EDARADD: variants seen among roughly 807,000 people sequenced by gnomAD.
EDARADD encodes EDAR associated via death domain, also known as ectodysplasin-A receptor-associated adapter protein.
EDARADD carries 20 observed loss-of-function variants against 25.6 expected under a neutral mutation model. The ratio of observed to expected loss-of-function variants is 0.78; its 90% CI spans 0.55 to 1.14. EDARADD has a LOEUF of 1.14. Ranked by LOEUF, EDARADD falls within the 50% of genes most tolerant of loss-of-function variation. The pLI, the probability that EDARADD is intolerant of heterozygous loss-of-function variation, is 0.00. For missense variants in EDARADD, 225 were observed against 270.1 expected (o/e 0.83, Z 1.17); for synonymous variants, 86 against 94.4 (o/e 0.91, Z 0.52).
rs1432456873 is a variant in EDARADD, at chr1:236,482,803, G to T, written c.*154G>T. ...AAGCTGGCAGTTTTGTGGAGGGGTA[G>T]CTTGTTTCGGTGGTGGATCTCTGTT... On this transcript the variant is annotated 3_prime_UTR_variant, in exon 6 of 6. Transcript: ENST00000334232. 2 of 982,806 alleles carry T rather than the reference G, an allele frequency of 2.0e-6. No individual in the cohort carries two copies. Among genetic ancestry groups the T allele is most frequent in the Non-Finnish European group, 3.1e-6 (2 of 653,220 alleles). The allele number at this position is 982,806 out of a possible 1,614,324, so 60.9% of individuals were successfully genotyped here.
At chr1:236,405,209 A>C (rs1361008618) in intron 1 of EDARADD, among the ~76,000 whole-genome samples, 4 of 152,170 alleles carry the variant, frequency 2.6e-5, no homozygotes, top group African/African-American at 9.7e-5. Context: ...GCTTCAGAAA[A>C]CAAAAAAACC....
chr1:236,469,797 A>AT (rs1226910928), intron 5 of EDARADD, among the ~76,000 whole-genome samples: 75 of 150,132 alleles, frequency 5.0e-4, no homozygotes, highest in Admixed American at 2.1e-3. Flanking sequence ...CATTCCATAG[A>AT]TTTTTTTTTT....
intron 3 of EDARADD, among the ~76,000 whole-genome samples, chr1:236,418,907 C>T (rs934875485): frequency 6.6e-6 from 1 of 152,170 alleles, no homozygotes; most frequent in Non-Finnish European, 1.5e-5. Flanking sequence ...TCCCCGCCCC[C>T]GCTCCCCAAG....
Position 236,414,241 on chromosome 1 carries a change from CT to C in EDARADD, c.121-15del, listed in dbSNP as rs1347679093. On this transcript the variant is annotated intron_variant, in intron 2 of 5. Transcript: ENST00000334232. ...CATGGCATTTAAAAATAATTCTCCT[CT>C]TTTGTTGGTTTCTACAGTCAGACAA... 1.8e-5 allele frequency: 29 copies of C among 1,603,632 alleles called. No individual in the cohort carries two copies. Among genetic ancestry groups the C allele is most frequent in the Non-Finnish European group, 2.5e-5 (29 of 1,170,808 alleles).
chr1:236,390,435 A>G (rs570588500), upstream of EDARADD, among the ~76,000 whole-genome samples: 17 of 152,182 alleles, frequency 1.1e-4, no homozygotes, highest in Middle Eastern at 6.8e-3. Context: ...GGCGCCTGTA[A>G]TCCCAGCTAC....
At chr1:236,421,368 A>G (rs1040418830) in intron 3 of EDARADD, among the ~76,000 whole-genome samples, 2 of 146,074 alleles carry the variant, frequency 1.4e-5, no homozygotes, top group African/African-American at 5.0e-5. Flanking sequence ...CCATTACAAA[A>G]AGAGAACAAG....
chr1:236,419,999 G>A (rs1395220090), intron 3 of EDARADD, among the ~76,000 whole-genome samples: 3 of 152,100 alleles, frequency 2.0e-5, no homozygotes, highest in African/African-American at 7.2e-5. Context: ...TCAACATGGC[G>A]ATACCCCGTC....
chr1:236,405,881 CTTTCTTTCTTTCTTTCT>C lies in EDARADD; in HGVS notation c.62-3332_62-3316del, dbSNP rs1558112869. 4.7e-3 allele frequency among the ~76,000 whole-genome samples: 162 copies of C among 34,338 alleles called. 1 individual carries two copies. Among genetic ancestry groups the C allele is most frequent in the African/African-American group, 0.014 (150 of 10,642 alleles). 22.5% of individuals were successfully genotyped at this position (34,338 alleles called of 152,430 possible). On this transcript the variant is annotated intron_variant, in intron 1 of 5. Coordinates refer to ENST00000334232, the MANE Select transcript of EDARADD (RefSeq NM_145861.4). ...TCCTTCCTTCCTTCCTTCCTTCTTT[CTTTCTTTCTTTCTTTCT>C]TTCTTTCTTTCTTTCTTTCTTTCTT... is the stretch of plus-strand genomic sequence containing the variant.
chr1:236,355,737 T>C (rs189689561), intron 3 of EDARADD, among the ~76,000 whole-genome samples: 1 of 152,068 alleles, frequency 6.6e-6, no homozygotes, highest in Non-Finnish European at 1.5e-5. Context: ...CTCGAACTCC[T>C]GACCTCAGGT....
intron 3 of EDARADD, among the ~76,000 whole-genome samples, chr1:236,385,828 T>C (rs1394210941): frequency 7.2e-4 from 1 of 1,398 alleles, no homozygotes; most frequent in Non-Finnish European, 1.7e-3. Flanking sequence ...CCTCTCCCTC[T>C]CCCTCTCCCT....
chr1:236,437,494 A>G (rs1170689572), intron 4 of EDARADD, among the ~76,000 whole-genome samples: 1 of 152,052 alleles, frequency 6.6e-6, no homozygotes, highest in African/African-American at 2.4e-5. Flanking sequence ...GTTAGATAGG[A>G]AGAAAGACTG....
At chr1:236,442,955 G>A (rs1452112228) in intron 4 of EDARADD, among the ~76,000 whole-genome samples, 2 of 152,168 alleles carry the variant, frequency 1.3e-5, no homozygotes, top group South Asian at 2.1e-4. Flanking sequence ...TGATTGGTTC[G>A]TGAAGGCTCT....
chr1:236,446,690 A>C (rs1216927164), intron 4 of EDARADD, among the ~76,000 whole-genome samples: 1 of 152,212 alleles, frequency 6.6e-6, no homozygotes, highest in Non-Finnish European at 1.5e-5. Flanking sequence ...ATTTTTGTAA[A>C]TTTTTGGTTT....
chr1:236,454,861 A>G (rs1253619), intron 4 of EDARADD, among the ~76,000 whole-genome samples: 52,887 of 152,032 alleles, frequency 0.35, 9,464 homozygotes, highest in East Asian at 0.44. Flanking sequence ...GCAGAATGGT[A>G]CAGATAAAAG....
chr1:236,417,984 C>G (rs1489855233), intron 3 of EDARADD, among the ~76,000 whole-genome samples: 1 of 134,744 alleles, frequency 7.4e-6, no homozygotes, highest in Non-Finnish European at 1.5e-5. Flanking sequence ...GACGGATTCT[C>G]GCTCTGTCGC....
At chr1:236,427,575 T>TTCCTAGGCAGAGGACCCTGCC in intron 4 of EDARADD, 125 bp downstream of exon 4, 6 of 900,108 alleles carry the variant, frequency 6.7e-6, no homozygotes, top group Non-Finnish European at 1.0e-5. Flanking sequence ...AAACAGGGTT[T>TTCCTAGGCAGAGGACCCTGCC]GCAAATGGTC....
At chr1:236,465,093 C>T (rs957656877) in intron 4 of EDARADD, among the ~76,000 whole-genome samples, 1 of 152,124 alleles carries the variant, frequency 6.6e-6, no homozygotes, top group Non-Finnish European at 1.5e-5. Flanking sequence ...ATCTCTACAG[C>T]GGCTCTCACT....
intron 3 of EDARADD, among the ~76,000 whole-genome samples, chr1:236,361,650 T>TATA (rs1553262114): frequency 6.7e-6 from 1 of 149,136 alleles, no homozygotes; most frequent in African/African-American, 2.5e-5. Context: ...TATATATATA[T>TATA]TCCTTCATAC....
chr1:236,467,294 T>TGGGTGG (rs1659223427), intron 4 of EDARADD, among the ~76,000 whole-genome samples: 2 of 65,966 alleles, frequency 3.0e-5, no homozygotes, highest in African/African-American at 1.1e-4. Flanking sequence ...TTCAGTACTG[T>TGGGTGG]GGGTGGGGGT....
Sources: gnomAD v4.1 joint callset for allele counts (sites outside exome capture counted in the v4.1 genomes callset) on GRCh38, gnomAD v4.1.1 for gene constraint, MANE v1.5 for transcripts, NCBI Gene and HGNC (gene_info 2026-07-23, HGNC 2026-07-21) for gene names.